Variants in CTNNA2 observed in about 807,000 individuals in gnomAD.
CTNNA2 encodes catenin alpha 2.
CTNNA2 carries 42 observed loss-of-function variants against 101.0 expected under a neutral mutation model. That is an observed-to-expected ratio of 0.42 (90% CI 0.32 to 0.54). CTNNA2 has a LOEUF of 0.54. Among genes scored for constraint, CTNNA2 ranks in the 20% least tolerant of loss-of-function variants. The pLI is 0.14. For missense variants in CTNNA2, 871 were observed against 1,223.1 expected (o/e 0.71, Z 4.29); for synonymous variants, 450 against 456.4 (o/e 0.99, Z 0.18).
At chr2:79,289,448 A>G (rs914548016) in intron 2 of CTNNA2, among the ~76,000 whole-genome samples, 9 of 151,948 alleles carry the variant, frequency 5.9e-5, no homozygotes, top group African/African-American at 2.2e-4. Context: ...GTGGTGGGCT[A>G]ATGAGTCGGG....
chr2:79,387,631 C>A (rs1678119474), intron 4 of CTNNA2, among the ~76,000 whole-genome samples: 1 of 152,174 alleles, frequency 6.6e-6, no homozygotes, highest in African/African-American at 2.4e-5. Context: ...ACCGACACTT[C>A]CAATTAGGCA....
chr2:80,007,037 T>A (rs1426425148), intron 7 of CTNNA2, among the ~76,000 whole-genome samples: 1 of 152,168 alleles, frequency 6.6e-6, no homozygotes, highest in African/African-American at 2.4e-5. Context: ...ACTTTGTAAT[T>A]CTCTAAATGT....
chr2:80,222,519 C>T (rs552636019), intron 7 of CTNNA2, among the ~76,000 whole-genome samples: 1 of 152,208 alleles, frequency 6.6e-6, no homozygotes, highest in Admixed American at 6.5e-5. Flanking sequence ...TAGGTGACTC[C>T]TCTGAAATGG....
At chr2:79,941,421 G>A (rs1688153293) in intron 7 of CTNNA2, among the ~76,000 whole-genome samples, 1 of 152,116 alleles carries the variant, frequency 6.6e-6, no homozygotes, top group African/African-American at 2.4e-5. Context: ...CCGGGCCGTT[G>A]ATTGCATTCT....
At chr2:79,380,900 T>G (rs1678031546) in intron 4 of CTNNA2, among the ~76,000 whole-genome samples, 1 of 152,166 alleles carries the variant, frequency 6.6e-6, no homozygotes, top group Non-Finnish European at 1.5e-5. Context: ...GGTTGTACTC[T>G]CCAAAGCTGC....
intron 1 of CTNNA2, among the ~76,000 whole-genome samples, chr2:79,628,784 G>A (rs555851003): frequency 2.8e-4 from 42 of 152,066 alleles, no homozygotes; most frequent in African/African-American, 9.9e-4. Flanking sequence ...ATTATTCCTG[G>A]CATTTTAGAC....
At chr2:79,840,795 C>G (rs946576620) in intron 3 of CTNNA2, among the ~76,000 whole-genome samples, 2 of 148,786 alleles carry the variant, frequency 1.3e-5, no homozygotes, top group Non-Finnish European at 3.0e-5. Context: ...GACAGAGTCT[C>G]GCTCTTTCGC....
At chr2:79,997,603 T>C (rs1692648889) in intron 7 of CTNNA2, among the ~76,000 whole-genome samples, 1 of 152,154 alleles carries the variant, frequency 6.6e-6, no homozygotes, top group Admixed American at 6.5e-5. Context: ...CCCCCAACTT[T>C]GTGTGTTCTC....
chr2:79,755,477 C>T (rs978600164), intron 3 of CTNNA2, among the ~76,000 whole-genome samples: 2 of 152,214 alleles, frequency 1.3e-5, no homozygotes, highest in African/African-American at 2.4e-5. Flanking sequence ...TACACTGCCA[C>T]TCACTGTCCT....
At chr2:80,631,589 G>T (rs926945254) in intron 18 of CTNNA2, among the ~76,000 whole-genome samples, 1 of 152,078 alleles carries the variant, frequency 6.6e-6, no homozygotes, top group Non-Finnish European at 1.5e-5. Context: ...TTTCCCTGAA[G>T]TACATTCACT....
At chr2:79,881,904 T>C (rs1309089628) in intron 6 of CTNNA2, among the ~76,000 whole-genome samples, 2 of 150,178 alleles carry the variant, frequency 1.3e-5, no homozygotes, top group African/African-American at 2.5e-5. Flanking sequence ...CATAGAGTCG[T>C]TGGCCTTTAT....
intron 2 of CTNNA2, among the ~76,000 whole-genome samples, chr2:79,220,788 C>T (rs1310313899): frequency 6.6e-6 from 1 of 152,164 alleles, no homozygotes; most frequent in Non-Finnish European, 1.5e-5. Flanking sequence ...AAATTTTTAA[C>T]TGTTTCACCA....
chr2:80,146,935 T>TTTTATTTATTTA (rs71386614), intron 7 of CTNNA2, among the ~76,000 whole-genome samples: 246 of 131,496 alleles, frequency 1.9e-3, no homozygotes, highest in Admixed American at 2.9e-3. Flanking sequence ...GTATTTTGTA[T>TTTTATTTATTTA]TTTATTTATT....
At chr2:79,958,119 G>A (rs1689369047) in intron 7 of CTNNA2, among the ~76,000 whole-genome samples, 1 of 152,172 alleles carries the variant, frequency 6.6e-6, no homozygotes, top group Admixed American at 6.5e-5. Context: ...TTCAGAACTT[G>A]ACTCAATATC....
chr2:79,206,512 G>GGA (rs1417996033), intron 2 of CTNNA2, among the ~76,000 whole-genome samples: 1 of 152,076 alleles, frequency 6.6e-6, no homozygotes, highest in Admixed American at 6.6e-5. Context: ...CTCACACTTG[G>GGA]AGCTTCTAAA....
chr2:80,205,020 G>C (rs1707446931), intron 7 of CTNNA2, among the ~76,000 whole-genome samples: 1 of 152,074 alleles, frequency 6.6e-6, no homozygotes, highest in African/African-American at 2.4e-5. Context: ...AGAACAGCAT[G>C]AGAAAGACCT....
chr2:79,340,850 A>AG (rs1195407379), intron 3 of CTNNA2, among the ~76,000 whole-genome samples: 76 of 147,154 alleles, frequency 5.2e-4, no homozygotes, highest in East Asian at 7.9e-4. Context: ...AAAAAAAAAA[A>AG]AAAAGAAAAG....
intron 3 of CTNNA2, among the ~76,000 whole-genome samples, chr2:79,774,123 A>G (rs1673790820): frequency 6.6e-6 from 1 of 152,182 alleles, no homozygotes; most frequent in Non-Finnish European, 1.5e-5. Context: ...CAGAAGTGAC[A>G]CTGAATGAGT....
At chr2:80,397,462 G>A (rs1678120340) in intron 8 of CTNNA2, among the ~76,000 whole-genome samples, 1 of 152,098 alleles carries the variant, frequency 6.6e-6, no homozygotes, top group South Asian at 2.1e-4. Context: ...TTATGTCATG[G>A]GAGGGACCTG....
Sources: gnomAD v4.1 joint callset for allele counts (sites outside exome capture counted in the v4.1 genomes callset) on GRCh38, gnomAD v4.1.1 for gene constraint, MANE v1.5 for transcripts, NCBI Gene and HGNC (gene_info 2026-07-23, HGNC 2026-07-21) for gene names.